Variants in ATG10 observed in about 807,000 individuals in gnomAD.
ATG10 encodes ubiquitin-like-conjugating enzyme ATG10.
A neutral mutation model predicts 32.1 loss-of-function variants in ATG10; 30 were observed. The observed-to-expected ratio is 0.94, with a 90% confidence interval of 0.70 to 1.27. ATG10 has a LOEUF of 1.27. Ranked by LOEUF, ATG10 falls within the 50% of genes most tolerant of loss-of-function variation. ATG10 has a pLI of 0.00. For synonymous variants in ATG10, 87 were observed against 91.5 expected, an observed-to-expected ratio of 0.95 and a Z score of 0.28; for missense variants, 233 against 262.3, an observed-to-expected ratio of 0.89 and a Z score of 0.77.
intron 3 of ATG10, among the ~76,000 whole-genome samples, chr5:82,155,844 G>A (rs1347825554): frequency 6.6e-6 from 1 of 152,130 alleles, no homozygotes; most frequent in Non-Finnish European, 1.5e-5. Flanking sequence ...GGTTACATGT[G>A]TGGTGCAAAA....
intron 2 of ATG10, among the ~76,000 whole-genome samples, chr5:81,992,788 A>G (rs1761500804): frequency 6.6e-6 from 1 of 152,242 alleles, no homozygotes; most frequent in South Asian, 2.1e-4. Flanking sequence ...GGTGTAAAAC[A>G]TTACTTTTCA....
chr5:82,244,624 G>A (rs1746949079), intron 5 of ATG10, among the ~76,000 whole-genome samples: 1 of 151,948 alleles, frequency 6.6e-6, no homozygotes, highest in African/African-American at 2.4e-5. Flanking sequence ...ATATGAAACT[G>A]GATGAAAGCT....
chr5:82,093,628 C>T (rs1764960800), intron 3 of ATG10, among the ~76,000 whole-genome samples: 1 of 152,070 alleles, frequency 6.6e-6, no homozygotes, highest in Non-Finnish European at 1.5e-5. Flanking sequence ...TAATTTTTAT[C>T]TTCATTATAG....
chr5:82,232,020 A>T (rs1279085583), intron 5 of ATG10, among the ~76,000 whole-genome samples: 2 of 152,212 alleles, frequency 1.3e-5, no homozygotes, highest in Non-Finnish European at 2.9e-5. Flanking sequence ...TGTGTTGCTC[A>T]TAAAATATCT....
chr5:81,973,593 T>G (rs747355207), intron 1 of ATG10, among the ~76,000 whole-genome samples: 1 of 152,240 alleles, frequency 6.6e-6, no homozygotes, highest in Non-Finnish European at 1.5e-5. Flanking sequence ...TTTATAACTT[T>G]TGTTATTGGA....
At chr5:82,027,242 A>T (rs949611742) in intron 2 of ATG10, among the ~76,000 whole-genome samples, 4 of 151,864 alleles carry the variant, frequency 2.6e-5, no homozygotes, top group African/African-American at 9.7e-5. Context: ...CTACAAAAAA[A>T]TTAAAAATTA....
intron 5 of ATG10, among the ~76,000 whole-genome samples, chr5:82,211,989 C>G (rs747016888): frequency 1.3e-5 from 2 of 152,180 alleles, no homozygotes; most frequent in East Asian, 1.9e-4. Context: ...CACACAACCC[C>G]CTTGTCAAGG....
intron 2 of ATG10, among the ~76,000 whole-genome samples, chr5:81,999,573 CA>C (rs1761787601): frequency 6.6e-6 from 1 of 151,892 alleles, no homozygotes; most frequent in Admixed American, 6.6e-5. Flanking sequence ...AAAAGCCATA[CA>C]AAAGATCAGC....
chr5:82,184,486 C>T (rs1181256768), intron 5 of ATG10, among the ~76,000 whole-genome samples: 3 of 152,024 alleles, frequency 2.0e-5, no homozygotes, highest in East Asian at 1.9e-4. Context: ...GGACCCTAAC[C>T]GATAATATCT....
chr5:82,166,725 T>C (rs1385201585), intron 4 of ATG10, among the ~76,000 whole-genome samples: 1 of 152,162 alleles, frequency 6.6e-6, no homozygotes, highest in Non-Finnish European at 1.5e-5. Flanking sequence ...ATTCCTAATG[T>C]CTTCCTCTTA....
At position 82,218,527 on chromosome 5, in the gene ATG10, A is replaced by G. The variant is rs563993154; in HGVS notation, c.454-34035A>G. 2.6e-5 allele frequency among the ~76,000 whole-genome samples: 4 copies of G among 152,088 alleles called. No homozygotes were observed. In the East Asian group the frequency reaches 5.8e-4, roughly 22 times the overall value. On this transcript the variant is annotated intron_variant, in intron 5 of 7. Coordinates refer to ENST00000282185, the MANE Select transcript of ATG10 (RefSeq NM_031482.5). The stretch of plus-strand genomic sequence containing the variant: ...AGACCCATCATCACTGGGATATGTC[A>G]TTTTCCTTCATCTCCATTTACTAGC...
At chr5:82,005,418 C>T (rs1055472966) in intron 2 of ATG10, among the ~76,000 whole-genome samples, 2 of 152,108 alleles carry the variant, frequency 1.3e-5, no homozygotes, top group African/African-American at 2.4e-5. Context: ...CCTCAGCCTC[C>T]CGAGTAGCTG....
intron 5 of ATG10, among the ~76,000 whole-genome samples, chr5:82,188,212 A>C (rs1336470597): frequency 6.6e-6 from 1 of 152,150 alleles, no homozygotes; most frequent in African/African-American, 2.4e-5. Context: ...TACTTCTTTA[A>C]GTTGAAGTTT....
At chr5:82,163,317 T>C (rs1341005980) in intron 3 of ATG10, among the ~76,000 whole-genome samples, 1 of 152,204 alleles carries the variant, frequency 6.6e-6, no homozygotes, top group Non-Finnish European at 1.5e-5. Flanking sequence ...TTTGTAAACA[T>C]CTCCAGTTGT....
At chr5:82,087,443 A>G (rs781216354) in intron 3 of ATG10, among the ~76,000 whole-genome samples, 63 of 152,188 alleles carry the variant, frequency 4.1e-4, no homozygotes, top group Non-Finnish European at 3.7e-4. Flanking sequence ...CACATAAGCT[A>G]TGGCTAGATG....
chr5:82,123,803 G>A (rs1766142292), intron 3 of ATG10, among the ~76,000 whole-genome samples: 1 of 151,338 alleles, frequency 6.6e-6, no homozygotes, highest in South Asian at 2.1e-4. Flanking sequence ...ATGCATGGTG[G>A]TGTAAGCCTG....
At chr5:82,242,529 TC>T (rs1561375496) in intron 5 of ATG10, among the ~76,000 whole-genome samples, 1 of 151,702 alleles carries the variant, frequency 6.6e-6, no homozygotes, top group Non-Finnish European at 1.5e-5. Flanking sequence ...GCTCATTGAA[TC>T]CCCCAGTGAA....
At chr5:82,233,506 T>C (rs1251745941) in intron 5 of ATG10, among the ~76,000 whole-genome samples, 2 of 152,252 alleles carry the variant, frequency 1.3e-5, no homozygotes, top group Non-Finnish European at 2.9e-5. Context: ...TTTACCCTCT[T>C]ACAGCATCTT....
At position 82,119,321 on chromosome 5, in the gene ATG10, G is replaced by A. The variant is rs1173301722; in HGVS notation, c.217-45078G>A. Among the ~76,000 whole-genome samples, 4 of 152,130 alleles carry A rather than the reference G, an allele frequency of 2.6e-5. No homozygotes were observed. In the South Asian group the frequency reaches 8.3e-4, roughly 32 times the overall value. On this transcript the variant is annotated intron_variant, in intron 3 of 7. Coordinates refer to ENST00000282185, the MANE Select transcript of ATG10 (RefSeq NM_031482.5). ...TTTCAATCTTGATAACACTTTTAAA[G>A]CAATTAAAAGACAAATCAATTTCTA...
Sources: allele counts gnomAD v4.1 joint callset (sites outside exome capture counted in the v4.1 genomes callset), GRCh38; gene constraint gnomAD v4.1.1; transcripts MANE v1.5; gene names NCBI Gene and HGNC (gene_info 2026-07-23, HGNC 2026-07-21).